The following HDAC4 variants were observed in gnomAD, a reference collection of about 807,000 sequenced individuals.
HDAC4 encodes histone deacetylase 4.
HDAC4 carries 16 observed loss-of-function variants against 135.1 expected under a neutral mutation model. The ratio of observed to expected loss-of-function variants is 0.12; its 90% CI spans 0.08 to 0.18. The LOEUF (loss-of-function observed/expected upper bound fraction) is 0.18, where lower values mean the gene tolerates loss of function less well. Ranked by LOEUF, HDAC4 falls within the 10% of genes least tolerant of loss-of-function variation. The pLI is 1.00. For missense variants in HDAC4, 1,143 were observed against 1,511.8 expected (o/e 0.76, Z 4.05); for synonymous variants, 685 against 653.4 (o/e 1.05, Z -0.74).
chr2:239,385,684 A>G (rs899618131), intron 1 of HDAC4, among the ~76,000 whole-genome samples: 2 of 152,232 alleles, frequency 1.3e-5, no homozygotes, highest in South Asian at 2.1e-4. Flanking sequence ...CAGGAGCCCC[A>G]GAAGGACCAT....
In HDAC4 at chr2:239,051,920, GTTTC is replaced by G. The variant is rs1019654454; in HGVS notation, c.*1173_*1176del. Reference sequence around the variant, plus strand: ...TCAAGATTTCATAAGAATCAAGTAAGTTTCTTAGCTTGGAATACATTGGAATATA... The same window carrying G: ...TCAAGATTTCATAAGAATCAAGTAAGTTAGCTTGGAATACATTGGAATATA... On this transcript the variant is annotated 3_prime_UTR_variant, in exon 27 of 27. Coordinates refer to ENST00000543185, the MANE Select transcript of HDAC4 (RefSeq NM_001378414.1). 3.3e-5 allele frequency: 5 copies of G among 151,208 alleles called. No individual in the cohort carries two copies. The highest frequency in any genetic ancestry group is 7.4e-5 in the Non-Finnish European group (5 of 67,870). 9.4% of individuals were successfully genotyped at this position (151,208 alleles called of 1,614,324 possible).
rs548763779 is a variant in HDAC4 at position 239,192,687 on chromosome 2, C to T, written c.95-2610G>A. Among the ~76,000 whole-genome samples the T allele has an allele frequency of 2.3e-4, 35 of 152,268 alleles. 1 individual carries two copies. The highest frequency in any genetic ancestry group is 2.2e-3 in the Admixed American group (34 of 15,304). ...TGTCAGGTTGCGGTTCCCTCTTCCG[C>T]GTTCATGGCTGTGATTGGCACGCGG... On this transcript the variant is annotated intron_variant, in intron 3 of 26. Coordinates refer to ENST00000543185, the MANE Select transcript of HDAC4 (RefSeq NM_001378414.1).
intron 1 of HDAC4, among the ~76,000 whole-genome samples, chr2:239,388,762 G>A (rs1471407201): frequency 6.6e-6 from 1 of 152,224 alleles, no homozygotes; most frequent in Non-Finnish European, 1.5e-5. Flanking sequence ...AGGGCCCCAG[G>A]CTTCTCTGCA....
intron 3 of HDAC4, among the ~76,000 whole-genome samples, chr2:239,221,222 G>A (rs560690414): frequency 3.3e-4 from 51 of 152,300 alleles, no homozygotes; most frequent in Non-Finnish European, 6.8e-4. Flanking sequence ...AGGGGATGGA[G>A]CGGACATCGG....
chr2:239,304,079 G>C (rs7355702), intron 2 of HDAC4, among the ~76,000 whole-genome samples: 11,551 of 152,228 alleles, frequency 0.076, 1,025 homozygotes, highest in African/African-American at 0.22. Context: ...CCAGCTCCCC[G>C]ACCCGTAAGC....
At chr2:239,360,639 C>T (rs1389463899) in intron 1 of HDAC4, among the ~76,000 whole-genome samples, 1 of 152,220 alleles carries the variant, frequency 6.6e-6, no homozygotes, top group Non-Finnish European at 1.5e-5. Flanking sequence ...AGCGGGGGCA[C>T]CCGAGCTCCA....
At chr2:239,102,917 A>T (rs2037791390) in intron 15 of HDAC4, 21 bp from the exon 16 acceptor site, 20 of 1,613,278 alleles carry the variant, frequency 1.2e-5, no homozygotes, top group Non-Finnish European at 1.6e-5. Flanking sequence ...AGGCGAGAGG[A>T]CACTCACACG....
chr2:239,114,746 A>G (rs1307282302), intron 13 of HDAC4, among the ~76,000 whole-genome samples: 1 of 152,116 alleles, frequency 6.6e-6, no homozygotes, highest in African/African-American at 2.4e-5. Context: ...TCACTAACAC[A>G]TGGATTCTGT....
At chr2:239,059,428 A>G (rs972529015) in intron 24 of HDAC4, among the ~76,000 whole-genome samples, 6 of 152,158 alleles carry the variant, frequency 3.9e-5, no homozygotes, top group African/African-American at 1.4e-4. Flanking sequence ...AGGAAACCCA[A>G]GTTCGGGGGG....
intron 2 of HDAC4, among the ~76,000 whole-genome samples, chr2:239,289,464 C>T (rs2051336374): frequency 6.6e-6 from 1 of 152,198 alleles, no homozygotes; most frequent in Non-Finnish European, 1.5e-5. Context: ...TCAAGGAAGT[C>T]GAGTAAAACA....
At chr2:239,085,476 G>A (rs1324837812) in intron 19 of HDAC4, among the ~76,000 whole-genome samples, 2 of 152,202 alleles carry the variant, frequency 1.3e-5, no homozygotes, top group Non-Finnish European at 2.9e-5. Flanking sequence ...GCGGCTCACG[G>A]GGAGCACAGC....
chr2:239,333,634 A>G (rs1691730580), intron 2 of HDAC4, among the ~76,000 whole-genome samples: 3 of 152,202 alleles, frequency 2.0e-5, no homozygotes, highest in Admixed American at 2.0e-4. Context: ...AAATAAAGAA[A>G]AAAAGCATAA....
intron 3 of HDAC4, among the ~76,000 whole-genome samples, chr2:239,231,090 G>C (rs2047525443): frequency 6.6e-6 from 1 of 152,192 alleles, no homozygotes; most frequent in African/African-American, 2.4e-5. Flanking sequence ...ACAGTTTCTA[G>C]TTAATCCCCT....
At chr2:239,172,285 T>A (rs1419367981) in intron 5 of HDAC4, among the ~76,000 whole-genome samples, 1 of 25,052 alleles carries the variant, frequency 4.0e-5, no homozygotes, top group Non-Finnish European at 7.2e-5. Context: ...ACCAAGCTGG[T>A]GAAAAAAAAT....
In HDAC4 at chr2:239,084,215, G is replaced by A. The variant is rs758533648; in HGVS notation, c.2472C>T (p.Ala824=). The part of the protein sequence containing the change: ...PMGFCYFNSV[A]VAAKLLQQRL... ...TCTGCTGCAGAAGCTTGGCTGCCAC[G>A]GCCACGGAGTTGAAGTAGCAAAAGC... The change falls in exon 20 of 27, where the codon GCC becomes GCT. Residue 824 remains alanine, a synonymous_variant. Transcript: ENST00000543185. 1.1e-5 allele frequency: 17 copies of A among 1,612,906 alleles called. No individual in the cohort carries two copies. The highest frequency in any genetic ancestry group is 1.6e-4 in the Middle Eastern group (1 of 6,082).
chr2:239,160,623 C>G (rs960785329), intron 6 of HDAC4, among the ~76,000 whole-genome samples: 1 of 152,256 alleles, frequency 6.6e-6, no homozygotes, highest in African/African-American at 2.4e-5. Context: ...CTCCCCCAAG[C>G]TGCTGCAGGC....
In HDAC4 at chr2:239,148,000, C is replaced by T. The variant is rs368225559; in HGVS notation, c.734-3286G>A. Among the ~76,000 whole-genome samples, 71 of 152,320 alleles carry T rather than the reference C, an allele frequency of 4.7e-4. 1 individual carries two copies. In the South Asian group the frequency reaches 0.014, roughly 31 times the overall value. The stretch of plus-strand genomic sequence containing the variant: ...CTTTAACTCTTAGGGGCCGGGTTTA[C>T]AGAGGGGACAGGCGTGCACCTGGCA... On this transcript the variant is annotated intron_variant, in intron 7 of 26. Coordinates refer to ENST00000543185, the MANE Select transcript of HDAC4 (RefSeq NM_001378414.1).
chr2:239,312,298 G>C (rs2052918661), intron 2 of HDAC4, among the ~76,000 whole-genome samples: 1 of 152,116 alleles, frequency 6.6e-6, no homozygotes, highest in Non-Finnish European at 1.5e-5. Flanking sequence ...TGGTGCCAGG[G>C]CTCCTAGCAC....
rs140805318 is a variant in HDAC4 at position 239,352,397 on chromosome 2, T to C, written c.22+281A>G. ...ACAACCTGACCTTTCAACATCACCC[T>C]TGTCAAAAAGCATCGAGGAAACCTG... On this transcript the variant is annotated intron_variant, in intron 2 of 26. Transcript: ENST00000543185. This position sits in a 1 kb window ranked among gnomAD's most constrained non-coding sequence, Gnocchi z 4.4. Among the ~76,000 whole-genome samples the C allele has an allele frequency of 2.0e-3, 299 of 152,156 alleles. No homozygotes were observed. Among genetic ancestry groups the C allele is most frequent in the African/African-American group, 6.9e-3 (288 of 41,516 alleles).
Sources: gnomAD v4.1 joint callset for allele counts (sites outside exome capture counted in the v4.1 genomes callset) on GRCh38, gnomAD v4.1.1 for gene constraint, Gnocchi (gnomAD v3.1) non-coding constraint, MANE v1.5 for transcripts, NCBI Gene and HGNC (gene_info 2026-07-23, HGNC 2026-07-21) for gene names.